C9orf72: variants seen among roughly 807,000 people sequenced by gnomAD.
C9orf72 encodes the protein C9orf72-SMCR8 complex subunit.
In C9orf72, 44 loss-of-function variants were observed where a neutral mutation model predicts 51.6. The observed-to-expected ratio is 0.85, with a 90% CI of 0.67 to 1.10. C9orf72 has a LOEUF of 1.10. Among genes scored for constraint, C9orf72 ranks in the 50% least tolerant of loss-of-function variants. The probability of loss-of-function intolerance (pLI) is 0.00; values close to 1 mark genes in which losing one functional copy is unlikely to be tolerated. For missense variants in C9orf72, 607 were observed against 570.6 expected, an observed-to-expected ratio of 1.06 and a Z score of -0.65; for synonymous variants, 213 against 194.2, an observed-to-expected ratio of 1.10 and a Z score of -0.81.
chr9:27,561,999 TGATTAAGG>T, intron 4 of C9orf72, among the ~76,000 whole-genome samples: 1 of 152,154 alleles, frequency 6.6e-6, no homozygotes, highest in Admixed American at 6.6e-5. Flanking sequence ...CCTCAACAAA[TGATTAAGG>T]AAACTAAATT....
intron 3 of C9orf72, among the ~76,000 whole-genome samples, 160 bp from the exon 4 acceptor site, chr9:27,562,636 A>T (rs1819378433): frequency 6.6e-6 from 1 of 151,808 alleles, no homozygotes; most frequent in African/African-American, 2.4e-5. Flanking sequence ...TGTCTAAAGG[A>T]TTTATATGCA....
chr9:27,570,355 A>G (rs1819558769), intron 1 of C9orf72, among the ~76,000 whole-genome samples: 1 of 152,240 alleles, frequency 6.6e-6, no homozygotes, highest in South Asian at 2.1e-4. Flanking sequence ...TATTGCAAAC[A>G]TATTTTTCTT....
At chr9:27,548,743 C>G in intron 9 of C9orf72, 77 bp from the exon 10 acceptor site, 2 of 780,606 alleles carry the variant, frequency 2.6e-6, no homozygotes, top group South Asian at 3.0e-5. Flanking sequence ...ACAGTGTTGA[C>G]AGTGCTTGGC....
Position 27,573,292 on chromosome 9 carries a change from C to T in C9orf72, c.-45+139G>A, listed in dbSNP as rs141758839. The T allele has an allele frequency of 3.9e-3, 668 of 169,482 alleles. 5 individuals carry two copies. Among genetic ancestry groups the T allele is most frequent in the African/African-American group, 0.015 (614 of 41,770 alleles). 10.5% of individuals were successfully genotyped at this position (169,482 alleles called of 1,614,324 possible). ...CCAGTCGCTAGAGGCGAAAGCCCGA[C>T]ACCCAGCTTCGGTCAGAGAAATGAG... On this transcript the variant is annotated intron_variant, in intron 1 of 10. Coordinates refer to ENST00000380003, the MANE Select transcript of C9orf72 (RefSeq NM_018325.5).
intron 1 of C9orf72, among the ~76,000 whole-genome samples, chr9:27,568,630 T>C (rs905328216): frequency 3.3e-5 from 5 of 152,216 alleles, no homozygotes; most frequent in African/African-American, 9.7e-5. Flanking sequence ...GGTAGTCCCA[T>C]TAGATTACAA....
rs755110393 is a variant in C9orf72, at chr9:27,561,643, C to T, written c.607G>A (p.Asp203Asn). The T allele has an allele frequency of 2.6e-5, 41 of 1,595,082 alleles. 1 individual carries two copies. The highest frequency in any genetic ancestry group is 3.5e-5 in the Non-Finnish European group (41 of 1,166,300). Reference sequence around the variant, plus strand: ...ATATCATCATCATTGAGTACTGTATCAGCTATCTAAAATGCATCAAAAAAT... The same window carrying T: ...ATATCATCATCATTGAGTACTGTATTAGCTATCTAAAATGCATCAAAAAAT... ...HSVPEEIDIA[D>N]TVLNDDDIGD... The change falls in exon 5 of 11, where the codon GAT becomes AAT. Residue 203 changes from aspartate (D) to asparagine (N), a missense_variant. By Grantham distance (23) the Asp-to-Asn change is conservative. Coordinates refer to ENST00000380003, the MANE Select transcript of C9orf72 (RefSeq NM_018325.5).
rs1292941691 is a variant in C9orf72, at chr9:27,555,277, C to G, written c.1091+1284G>C. Among the ~76,000 whole-genome samples the G allele has an allele frequency of 2.6e-5, 4 of 152,116 alleles. 1 individual carries two copies. Among genetic ancestry groups the G allele is most frequent in the Non-Finnish European group, 4.4e-5 (3 of 68,014 alleles). On this transcript the variant is annotated intron_variant, in intron 8 of 10. Coordinates refer to ENST00000380003, the MANE Select transcript of C9orf72 (RefSeq NM_018325.5). The stretch of plus-strand genomic sequence containing the variant: ...AAGAACCAATAAAAACTCTGGAGAA[C>G]TAGGAAAAAATGGGTCCTATATTAA...
chr9:27,571,927 C>T (rs1021950632), intron 1 of C9orf72, among the ~76,000 whole-genome samples: 4 of 152,216 alleles, frequency 2.6e-5, no homozygotes, highest in Non-Finnish European at 5.9e-5. Context: ...TCAGGGAAGA[C>T]TGGAAGGTGA....
intron 4 of C9orf72, 135 bp from the exon 5 acceptor site, chr9:27,561,784 C>CA (rs1340562203): frequency 5.3e-6 from 3 of 568,940 alleles, no homozygotes. Flanking sequence ...CAAGACTCCC[C>CA]AAAAAACAAT....
chr9:27,548,609 G>GT lies in C9orf72; in HGVS notation c.1206dup (p.Leu403ThrfsTer26). ...GTCAAGGCTTTTCTGTGAAGGACAA[G>GT]TAGAAACTGTGCAAGGAAAGTACTT... On this transcript the variant is annotated frameshift_variant, in exon 10 of 11. Coordinates refer to ENST00000380003, the MANE Select transcript of C9orf72 (RefSeq NM_018325.5). LOFTEE classifies it high-confidence loss of function. The GT allele has an allele frequency of 6.2e-7, 1 of 1,612,806 alleles. No individual in the cohort carries two copies. Among genetic ancestry groups the GT allele is most frequent in the Non-Finnish European group, 8.5e-7 (1 of 1,178,878 alleles).
chr9:27,550,740 A>T, intron 8 of C9orf72, 33 bp from the exon 9 acceptor site: 1 of 1,389,226 alleles, frequency 7.2e-7, no homozygotes, highest in East Asian at 2.4e-5. Context: ...GAAAAGAAAA[A>T]AGTTCAAATG....
At chr9:27,564,240 C>T (rs1445397353) in intron 3 of C9orf72, among the ~76,000 whole-genome samples, 1 of 151,352 alleles carries the variant, frequency 6.6e-6, no homozygotes, top group African/African-American at 2.4e-5. Flanking sequence ...TCTATTCCTC[C>T]TTGTACTTCC....
intron 8 of C9orf72, chr9:27,554,527 G>C: frequency 5.0e-6 from 2 of 398,068 alleles, no homozygotes; most frequent in Admixed American, 4.4e-5. Flanking sequence ...TACCTATTGG[G>C]TACTATGCTT....
intron 3 of C9orf72, among the ~76,000 whole-genome samples, chr9:27,562,879 C>G (rs558893996): frequency 2.0e-5 from 3 of 152,004 alleles, no homozygotes; most frequent in African/African-American, 4.8e-5. Flanking sequence ...CCATGTTGGC[C>G]AGGTTGGTGT....
chr9:27,569,511 A>G (rs1478415350), intron 1 of C9orf72, among the ~76,000 whole-genome samples: 1 of 152,026 alleles, frequency 6.6e-6, no homozygotes, highest in African/African-American at 2.4e-5. Context: ...ACAACTGTCT[A>G]TAGTATTCAG....
chr9:27,554,102 T>C (rs1820962680), intron 8 of C9orf72, among the ~76,000 whole-genome samples: 1 of 152,112 alleles, frequency 6.6e-6, no homozygotes, highest in Non-Finnish European at 1.5e-5. Flanking sequence ...TGAAAAGCAG[T>C]TTGAAGATTT....
intron 4 of C9orf72, 108 bp from the exon 5 acceptor site, chr9:27,561,757 C>T (rs1269518264): frequency 1.8e-5 from 11 of 628,348 alleles, no homozygotes; most frequent in South Asian, 1.6e-4. Context: ...TAACACACTG[C>T]CTTCATTTCC....
intron 8 of C9orf72, among the ~76,000 whole-genome samples, chr9:27,551,336 AAC>A: frequency 6.6e-6 from 1 of 152,232 alleles, no homozygotes; most frequent in Admixed American, 6.5e-5. Context: ...ATGTGTGCCT[AAC>A]ACAGCACCTA....
At chr9:27,560,025 C>T (rs1024670440) in intron 6 of C9orf72, 1 of 315,932 alleles carries the variant, frequency 3.2e-6, no homozygotes, top group Non-Finnish European at 6.0e-6. Flanking sequence ...TCCGAGCTAT[C>T]AAAATAAACT....
Sources: gnomAD v4.1 joint callset for allele counts (sites outside exome capture counted in the v4.1 genomes callset) on GRCh38, gnomAD v4.1.1 for gene constraint, MANE v1.5 for transcripts, NCBI Gene and HGNC (gene_info 2026-07-23, HGNC 2026-07-21) for gene names.